THSD4: variants seen among roughly 807,000 people sequenced by gnomAD.
THSD4 encodes thrombospondin type-1 domain-containing protein 4.
THSD4 carries 69 observed loss-of-function variants against 119.0 expected under a neutral mutation model. The observed-to-expected ratio is 0.58, with a 90% CI of 0.48 to 0.71. The LOEUF is 0.71. Among genes scored for constraint, THSD4 ranks in the 30% least tolerant of loss-of-function variants. The pLI is 0.00. For synonymous variants in THSD4, 524 were observed against 540.4 expected, an observed-to-expected ratio of 0.97 and a Z score of 0.42; for missense variants, 1,393 against 1,391.1, an observed-to-expected ratio of 1.00 and a Z score of -0.02.
intron 8 of THSD4, among the ~76,000 whole-genome samples, chr15:71,695,668 A>G (rs969661357): frequency 2.6e-5 from 4 of 152,064 alleles, no homozygotes; most frequent in South Asian, 2.1e-4. Flanking sequence ...CTGAGTCCCA[A>G]CCAACCCAGG....
intron 3 of THSD4, chr15:71,185,523 TAAC>T (rs1324305352): frequency 3.4e-5 from 5 of 147,390 alleles, no homozygotes; most frequent in Middle Eastern, 7.0e-3. Context: ...GTGAAAAAAA[TAAC>T]AACAATATCT....
At chr15:71,281,236 ATTG>A (rs2044648624) in intron 6 of THSD4, among the ~76,000 whole-genome samples, 1 of 152,210 alleles carries the variant, frequency 6.6e-6, no homozygotes, top group Non-Finnish European at 1.5e-5. Context: ...ATTTATCCTT[ATTG>A]TTCTGCGCAT....
intron 8 of THSD4, among the ~76,000 whole-genome samples, chr15:71,716,598 T>G (rs1440200849): frequency 8.9e-6 from 1 of 112,496 alleles, no homozygotes; most frequent in South Asian, 2.8e-4. Context: ...TTGTTTTTTT[T>G]TTTGTAGTCT....
At chr15:71,733,341 A>G (rs1241902997) in intron 10 of THSD4, 1 of 152,036 alleles carries the variant, frequency 6.6e-6, no homozygotes, top group Non-Finnish European at 1.5e-5. Flanking sequence ...CGGGTCAGCA[A>G]CCTCTCTGAA....
chr15:71,753,484 G>A (rs1187482243), intron 14 of THSD4, among the ~76,000 whole-genome samples: 7 of 152,228 alleles, frequency 4.6e-5, no homozygotes. Context: ...TAGTCCCTTA[G>A]GGGCCAGTTG....
At chr15:71,499,881 T>C (rs2048084865) in intron 7 of THSD4, among the ~76,000 whole-genome samples, 1 of 152,202 alleles carries the variant, frequency 6.6e-6, no homozygotes, top group South Asian at 2.1e-4. Flanking sequence ...ATATGCCACT[T>C]TATCCATTCA....
At chr15:71,498,824 T>C (rs2048066977) in intron 7 of THSD4, among the ~76,000 whole-genome samples, 1 of 151,468 alleles carries the variant, frequency 6.6e-6, no homozygotes, top group Admixed American at 6.6e-5. Flanking sequence ...GCCTCCCAAG[T>C]AGCTGGGACC....
intron 7 of THSD4, among the ~76,000 whole-genome samples, chr15:71,447,818 C>T (rs1177989911): frequency 6.6e-6 from 1 of 152,172 alleles, no homozygotes; most frequent in Non-Finnish European, 1.5e-5. Flanking sequence ...CAATTCATCA[C>T]AGGCTTGGGA....
intron 7 of THSD4, among the ~76,000 whole-genome samples, chr15:71,633,196 C>G (rs2050665953): frequency 6.6e-6 from 1 of 151,824 alleles, no homozygotes; most frequent in African/African-American, 2.4e-5. Context: ...AGGCTGAAGA[C>G]AGGTCTAACT....
At chr15:71,170,562 C>A (rs1567144509) in intron 3 of THSD4, among the ~76,000 whole-genome samples, 2 of 152,134 alleles carry the variant, frequency 1.3e-5, no homozygotes, top group Admixed American at 1.3e-4. Flanking sequence ...TAATCTGTTT[C>A]TAAATAACTT....
chr15:71,569,718 G>T (rs1009293962), intron 7 of THSD4, among the ~76,000 whole-genome samples: 2 of 152,220 alleles, frequency 1.3e-5, no homozygotes, highest in African/African-American at 4.8e-5. Flanking sequence ...GAAAGGCTGG[G>T]TGCGGTAGCT....
At chr15:71,775,389 G>A (rs1303828283) in intron 17 of THSD4, among the ~76,000 whole-genome samples, 3 of 152,054 alleles carry the variant, frequency 2.0e-5, no homozygotes, top group Non-Finnish European at 4.4e-5. Flanking sequence ...CAAAATCCAG[G>A]CAAGGTTTTT....
At chr15:71,332,834 G>A (rs1179013755) in intron 6 of THSD4, among the ~76,000 whole-genome samples, 1 of 147,882 alleles carries the variant, frequency 6.8e-6, no homozygotes, top group Admixed American at 6.9e-5. Flanking sequence ...TGGGCCACAT[G>A]TGGCTCAAGA....
intron 7 of THSD4, among the ~76,000 whole-genome samples, chr15:71,492,951 TGAG>T (rs2047945222): frequency 6.6e-6 from 1 of 151,920 alleles, no homozygotes; most frequent in Admixed American, 6.6e-5. Flanking sequence ...ATCACTGTAA[TGAG>T]GAAAGTAGCC....
intron 7 of THSD4, among the ~76,000 whole-genome samples, chr15:71,545,435 C>T (rs2048822760): frequency 6.6e-6 from 1 of 152,176 alleles, no homozygotes; most frequent in Non-Finnish European, 1.5e-5. Context: ...TACACCCATT[C>T]ATGTGTGTGT....
chr15:71,352,457 A>G (rs1300882200), intron 6 of THSD4, among the ~76,000 whole-genome samples: 1 of 152,222 alleles, frequency 6.6e-6, no homozygotes, highest in East Asian at 1.9e-4. Context: ...TCATGGCCCC[A>G]TAACCAAGTA....
chr15:71,397,254 A>T (rs1272073572), intron 6 of THSD4, among the ~76,000 whole-genome samples: 1 of 151,956 alleles, frequency 6.6e-6, no homozygotes. Context: ...TCACATAATA[A>T]ACTCCTTCTC....
chr15:71,739,599 A>G (rs1014269998), intron 11 of THSD4, among the ~76,000 whole-genome samples: 1 of 152,184 alleles, frequency 6.6e-6, no homozygotes, highest in African/African-American at 2.4e-5. Context: ...GACTCATTGC[A>G]AAGATACACC....
At chr15:71,326,849 G>A (rs1195167219) in intron 6 of THSD4, among the ~76,000 whole-genome samples, 1 of 148,620 alleles carries the variant, frequency 6.7e-6, no homozygotes, top group Non-Finnish European at 1.5e-5. Flanking sequence ...CTGAAGTTTG[G>A]ATGCCAGAGC....
Sources: gnomAD v4.1 joint callset for allele counts (sites outside exome capture counted in the v4.1 genomes callset) on GRCh38, gnomAD v4.1.1 for gene constraint, MANE v1.5 for transcripts, NCBI Gene and HGNC (gene_info 2026-07-23, HGNC 2026-07-21) for gene names.